GSTO1: variants seen among roughly 807,000 people sequenced by gnomAD.
GSTO1 encodes glutathione S-transferase omega 1.
Under a neutral mutation model 23.8 loss-of-function variants are expected in GSTO1, and 27 were observed. The ratio of observed to expected loss-of-function variants is 1.13; its 90% CI spans 0.83 to 1.56. The LOEUF is 1.56. Ranked by LOEUF, GSTO1 falls within the 40% of genes most tolerant of loss-of-function variation. The probability of loss-of-function intolerance (pLI) is 0.00; values close to 1 mark genes in which losing one functional copy is unlikely to be tolerated. For synonymous variants in GSTO1, 105 were observed against 109.3 expected, an observed-to-expected ratio of 0.96 and a Z score of 0.25; for missense variants, 255 against 285.8, an observed-to-expected ratio of 0.89 and a Z score of 0.78.
chr10:104,265,216 A>G (rs1332521088), intron 4 of GSTO1, among the ~76,000 whole-genome samples: 1 of 152,236 alleles, frequency 6.6e-6, no homozygotes, highest in African/African-American at 2.4e-5. Context: ...CAGCACCCAT[A>G]TCAACTAACA....
intron 4 of GSTO1, among the ~76,000 whole-genome samples, chr10:104,263,316 C>T (rs978537176): frequency 6.6e-6 from 1 of 152,148 alleles, no homozygotes; most frequent in African/African-American, 2.4e-5. Flanking sequence ...AAATATTCTG[C>T]TAATGTTAAA....
intron 4 of GSTO1, among the ~76,000 whole-genome samples, chr10:104,265,577 G>A (rs1237969549): frequency 6.6e-6 from 1 of 152,180 alleles, no homozygotes; most frequent in African/African-American, 2.4e-5. Flanking sequence ...TACGACAGTG[G>A]TTCCATACCC....
intron 2 of GSTO1, 81 bp downstream of exon 2, chr10:104,255,352 C>G (rs568171737): frequency 1.2e-6 from 1 of 830,170 alleles, no homozygotes; most frequent in African/African-American, 1.7e-5. Context: ...GTCTCAGCCC[C>G]CTTCTACCCC....
chr10:104,255,071 G>T lies in GSTO1; in HGVS notation c.35-92G>T, dbSNP rs2091595469. On this transcript the variant is annotated intron_variant, in intron 1 of 5. Coordinates refer to ENST00000369713, the MANE Select transcript of GSTO1 (RefSeq NM_004832.3). ...CGGGAGCGCCCCACCGGCGGGGAAC[G>T]GGTCGGAGCTGCAGTGGGACGCGGG... 8.4e-6 allele frequency: 12 copies of T among 1,429,438 alleles called. No individual in the cohort carries two copies. The African/African-American group carries it at 1.4e-4, about 17-fold the overall frequency. 88.5% of individuals were successfully genotyped at this position (1,429,438 alleles called of 1,614,324 possible).
At chr10:104,254,988 G>A in intron 1 of GSTO1, 26 bp downstream of exon 1, 1 of 1,595,072 alleles carries the variant, frequency 6.3e-7, no homozygotes, top group Non-Finnish European at 8.5e-7. Flanking sequence ...CGCGAAGAGG[G>A]GGTGATCTCG....
At chr10:104,262,005 G>C (rs1490316722) in intron 3 of GSTO1, among the ~76,000 whole-genome samples, 1 of 152,026 alleles carries the variant, frequency 6.6e-6, no homozygotes, top group Non-Finnish European at 1.5e-5. Flanking sequence ...TTTGCAGTTG[G>C]GGCCAAGTTT....
intron 3 of GSTO1, among the ~76,000 whole-genome samples, chr10:104,262,437 G>C (rs547985899): frequency 6.6e-6 from 1 of 152,202 alleles, no homozygotes; most frequent in Non-Finnish European, 1.5e-5. Context: ...TTGGCCGGGC[G>C]TGGTGGCTCA....
At chr10:104,254,336 C>G (rs1165250622), upstream of GSTO1, 1 of 155,578 alleles carries the variant, frequency 6.4e-6, no homozygotes, top group African/African-American at 2.4e-5. Flanking sequence ...AGGTGTGTGG[C>G]CTTTGATCTT....
intron 4 of GSTO1, among the ~76,000 whole-genome samples, chr10:104,264,282 G>A (rs1413985124): frequency 6.6e-6 from 1 of 152,008 alleles, no homozygotes; most frequent in African/African-American, 2.4e-5. Context: ...ATTTCTTCTT[G>A]AATCAGTGTT....
intron 2 of GSTO1, among the ~76,000 whole-genome samples, chr10:104,256,624 T>C (rs1234687698): frequency 6.6e-6 from 1 of 152,200 alleles, no homozygotes; most frequent in Non-Finnish European, 1.5e-5. Context: ...AGGAGGCTTT[T>C]ACTGGGAAAG....
chr10:104,255,419 G>A, intron 2 of GSTO1, 148 bp downstream of exon 2: 1 of 610,562 alleles, frequency 1.6e-6, no homozygotes, highest in Non-Finnish European at 2.9e-6. Context: ...TTGGAAAATA[G>A]CAAGTTATAG....
intron 5 of GSTO1, among the ~76,000 whole-genome samples, chr10:104,266,731 CAAA>C (rs34936106): frequency 3.7e-5 from 5 of 135,730 alleles, no homozygotes; most frequent in Admixed American, 7.5e-5. Flanking sequence ...GACACTTCAT[CAAA>C]AAAAAAAAAA....
At chr10:104,264,389 A>G (rs1250061665) in intron 4 of GSTO1, among the ~76,000 whole-genome samples, 1 of 152,224 alleles carries the variant, frequency 6.6e-6, no homozygotes, top group Non-Finnish European at 1.5e-5. Context: ...GACAGAACAC[A>G]GTAGGTAGAT....
upstream of GSTO1, chr10:104,254,889 C>T (rs961362228): frequency 1.2e-6 from 2 of 1,602,988 alleles, no homozygotes; most frequent in African/African-American, 1.3e-5. Flanking sequence ...TCCTGAATCC[C>T]CTGCAAACCC....
In GSTO1 at chr10:104,255,060, C is replaced by G; in HGVS notation, c.34+98C>G. On this transcript the variant is annotated intron_variant, in intron 1 of 5. Transcript: ENST00000369713. ...GCCCAGCCGCCCGGGAGCGCCCCACCGGCGGGGAACGGGTCGGAGCTGCAG... is the reference window on the plus strand; with the variant it reads ...GCCCAGCCGCCCGGGAGCGCCCCACGGGCGGGGAACGGGTCGGAGCTGCAG... 2.1e-6 allele frequency: 3 copies of G among 1,440,048 alleles called. No homozygotes were observed. In the South Asian group the frequency reaches 3.7e-5, roughly 18 times the overall value. 89.2% of individuals were successfully genotyped at this position (1,440,048 alleles called of 1,614,324 possible).
Position 104,267,340 on chromosome 10 carries a change from G to A in GSTO1, c.661G>A (p.Asp221Asn), listed in dbSNP as rs764766650. The change falls in exon 6 of 6, where the codon GAC becomes AAC. Residue 221 changes from aspartate (D) to asparagine (N), a missense_variant. Physicochemically the swap from Asp to Asn is conservative, Grantham distance 23 (BLOSUM62 1). Coordinates refer to ENST00000369713, the MANE Select transcript of GSTO1 (RefSeq NM_004832.3). Reference sequence around the variant, plus strand: ...CTCAGCCCTGCTTACTAGTGAGAAAGACTGGCAAGGTTTCCTAGAGCTCTA... The same window carrying A: ...CTCAGCCCTGCTTACTAGTGAGAAAAACTGGCAAGGTTTCCTAGAGCTCTA... ...TVSALLTSEK[D>N]WQGFLELYLQ... The A allele has an allele frequency of 1.5e-5, 24 of 1,613,850 alleles. No homozygotes were observed. The highest frequency in any genetic ancestry group is 1.9e-5 in the Non-Finnish European group (23 of 1,179,716).
intron 4 of GSTO1, among the ~76,000 whole-genome samples, chr10:104,264,234 T>C (rs896690270): frequency 6.6e-6 from 1 of 152,194 alleles, no homozygotes; most frequent in Admixed American, 6.5e-5. Context: ...TCATTACTAG[T>C]TTGATTTCTT....
rs2011124164 is a variant in GSTO1, at chr10:104,259,796, A to C, written c.364A>C (p.Lys122Gln). The C allele has an allele frequency of 1.2e-6, 2 of 1,603,256 alleles. No homozygotes were observed. Among genetic ancestry groups the C allele is most frequent in the Admixed American group, 1.7e-5 (1 of 59,904 alleles). Residue 122 changes from lysine to glutamine, a missense_variant and splice_region_variant, in exon 3 of 6, where the codon AAG (lysine) becomes CAG (glutamine). By Grantham distance (53) the Lys-to-Gln change is moderately conservative. Coordinates refer to ENST00000369713, the MANE Select transcript of GSTO1 (RefSeq NM_004832.3). ...GAAGATGATCTTAGAGTTGTTTTCT[A>C]AGGTTTGTGCATAAGAAATTTCAGC... ...CQKMILELFS[K>Q]VPSLVGSFIR...
At position 104,254,900 on chromosome 10, in the gene GSTO1, CAG is replaced by C; in HGVS notation, c.-26_-25del. On this transcript the variant is annotated 5_prime_UTR_variant, in exon 1 of 6. Coordinates refer to ENST00000369713, the MANE Select transcript of GSTO1 (RefSeq NM_004832.3). Reference sequence around the variant, plus strand: ...TACTTCCTGAATCCCCTGCAAACCCCAGAGGAGCTCGGCCTGCGCTGCGCCAC... The same window carrying C: ...TACTTCCTGAATCCCCTGCAAACCCCAGGAGCTCGGCCTGCGCTGCGCCAC... 2.5e-6 allele frequency: 4 copies of C among 1,609,652 alleles called. No individual in the cohort carries two copies. The highest frequency in any genetic ancestry group is 3.4e-6 in the Non-Finnish European group (4 of 1,178,040).
Sources: allele counts gnomAD v4.1 joint callset (sites outside exome capture counted in the v4.1 genomes callset), GRCh38; gene constraint gnomAD v4.1.1; transcripts MANE v1.5; gene names NCBI Gene and HGNC (gene_info 2026-07-23, HGNC 2026-07-21).